The following ADAMTS9 variants were observed in gnomAD, a reference collection of about 807,000 sequenced individuals.
The protein encoded by ADAMTS9 is A disintegrin and metalloproteinase with thrombospondin motifs 9.
ADAMTS9 carries 107 observed loss-of-function variants against 257.1 expected under a neutral mutation model. The ratio of observed to expected loss-of-function variants is 0.42; its 90% CI spans 0.36 to 0.49. ADAMTS9 has a LOEUF of 0.49. Among genes scored for constraint, ADAMTS9 ranks in the 20% least tolerant of loss-of-function variants. The pLI, the probability that ADAMTS9 is intolerant of heterozygous loss-of-function variation, is 0.03. For synonymous variants in ADAMTS9, 982 were observed against 880.9 expected (o/e 1.11, Z -2.03); for missense variants, 2,353 against 2,469.1 (o/e 0.95, Z 1.00).
intron 38 of ADAMTS9, among the ~76,000 whole-genome samples, chr3:64,526,583 C>A (rs1156271990): frequency 6.6e-6 from 1 of 152,162 alleles, no homozygotes; most frequent in African/African-American, 2.4e-5. Context: ...AAGTATAGGG[C>A]CAGGGCCTTC....
intron 28 of ADAMTS9, chr3:64,590,191 A>G (rs965781670): frequency 2.0e-5 from 3 of 152,172 alleles, no homozygotes; most frequent in Admixed American, 6.5e-5. Flanking sequence ...TCTAAGCATC[A>G]TTTCCAACTC....
At chr3:64,674,087 C>T (rs1436976851) in intron 3 of ADAMTS9, among the ~76,000 whole-genome samples, 1 of 129,354 alleles carries the variant, frequency 7.7e-6, no homozygotes, top group Admixed American at 8.1e-5. Context: ...ACTATTAACA[C>T]TAAAGTTTTT....
At chr3:64,620,229 C>A (rs1443886719) in intron 19 of ADAMTS9, among the ~76,000 whole-genome samples, 2 of 152,120 alleles carry the variant, frequency 1.3e-5, no homozygotes, top group Admixed American at 1.3e-4. Flanking sequence ...AATCTCAGAA[C>A]TCCTCTATTT....
At position 64,681,330 on chromosome 3, in the gene ADAMTS9, A is replaced by T. The variant is rs1285164342; in HGVS notation, c.550T>A (p.Phe184Ile). The change falls in exon 3 of 40, where the codon TTT becomes ATT. Residue 184 changes from phenylalanine (F) to isoleucine (I), a missense_variant. Phe to Ile is a conservative substitution (Grantham distance 21, BLOSUM62 0). Coordinates refer to ENST00000498707, the MANE Select transcript of ADAMTS9 (RefSeq NM_182920.2). Reference protein sequence around the residue: ...GTFRSHDGDYFIEPLQSMDEQ... With the variant: ...GTFRSHDGDYIIEPLQSMDEQ... Reference sequence around the variant, plus strand: ...TCCATAGACTGTAGTGGTTCAATAAAATAATCCCCATCATGAGACCGGAAT... The same window carrying T: ...TCCATAGACTGTAGTGGTTCAATAATATAATCCCCATCATGAGACCGGAAT... 5 of 1,613,474 alleles carry T rather than the reference A, an allele frequency of 3.1e-6. No individual in the cohort carries two copies. In the South Asian group the frequency reaches 5.5e-5, roughly 18 times the overall value.
chr3:64,568,406 C>T lies in ADAMTS9; in HGVS notation c.4486G>A (p.Gly1496Arg). The change falls in exon 29 of 40, where the codon GGA (glycine) becomes AGA (arginine). Residue 1496 changes from glycine (G) to arginine (R), a missense_variant. Physicochemically the swap from Gly to Arg is moderately radical, Grantham distance 125. This residue lies in a region of ADAMTS9 where 1,402 missense variants were observed against 1,441.4 expected (regional missense o/e 0.97). Coordinates refer to ENST00000498707, the MANE Select transcript of ADAMTS9 (RefSeq NM_182920.2). ...CCAGCTTTCCATTTGGGGCATCTTC[C>T]TCCTCGGCACTTTCTGTGCCCATGT... The part of the protein sequence containing the change: ...KPHGHRKCRG[G>R]RCPKWKAGAW... 6.2e-7 allele frequency: 1 copy of T among 1,612,238 alleles called. No individual in the cohort carries two copies. Among genetic ancestry groups the T allele is most frequent in the Admixed American group, 1.7e-5 (1 of 59,348 alleles).
At chr3:64,585,505 C>T (rs1180996171) in intron 28 of ADAMTS9, among the ~76,000 whole-genome samples, 3 of 152,140 alleles carry the variant, frequency 2.0e-5, no homozygotes, top group South Asian at 2.1e-4. Context: ...GTTTGGAAGA[C>T]GTTCCAATGC....
intron 3 of ADAMTS9, among the ~76,000 whole-genome samples, chr3:64,669,490 T>G (rs1403463098): frequency 6.6e-6 from 1 of 152,210 alleles, no homozygotes; most frequent in African/African-American, 2.4e-5. Context: ...GTTCTGGGCC[T>G]TGATCCTCTT....
At chr3:64,667,969 A>G (rs553520465) in intron 3 of ADAMTS9, among the ~76,000 whole-genome samples, 3 of 152,316 alleles carry the variant, frequency 2.0e-5, no homozygotes, top group Admixed American at 6.5e-5. Context: ...TTTTACTAAG[A>G]GACTATTTAG....
chr3:64,633,924 G>A, intron 12 of ADAMTS9, 45 bp from the exon 13 acceptor site: 1 of 1,515,534 alleles, frequency 6.6e-7, no homozygotes, highest in Non-Finnish European at 9.0e-7. Context: ...GTATTATCAT[G>A]TATTCCTCTG....
chr3:64,599,407 C>G (rs1477971374), intron 26 of ADAMTS9, among the ~76,000 whole-genome samples: 10 of 152,170 alleles, frequency 6.6e-5, no homozygotes. Flanking sequence ...AATTTGTCAT[C>G]CACAATGGAC....
chr3:64,670,904 G>T (rs1701469954), intron 3 of ADAMTS9, among the ~76,000 whole-genome samples: 1 of 152,172 alleles, frequency 6.6e-6, no homozygotes, highest in South Asian at 2.1e-4. Flanking sequence ...TGCTGGAAAG[G>T]ATGCAGAGGA....
intron 28 of ADAMTS9, among the ~76,000 whole-genome samples, chr3:64,593,514 T>C (rs2084299645): frequency 1.3e-5 from 2 of 152,220 alleles, no homozygotes; most frequent in African/African-American, 4.8e-5. Context: ...TTGACACAGC[T>C]GATGCTTCTG....
chr3:64,610,943 G>A (rs2084654249), intron 22 of ADAMTS9, among the ~76,000 whole-genome samples: 1 of 151,740 alleles, frequency 6.6e-6, no homozygotes, highest in South Asian at 2.1e-4. Flanking sequence ...GGGCATGGTG[G>A]CACGCACCTG....
intron 37 of ADAMTS9, among the ~76,000 whole-genome samples, chr3:64,538,233 T>C (rs898775801): frequency 2.6e-5 from 4 of 152,174 alleles, no homozygotes; most frequent in Non-Finnish European, 5.9e-5. Context: ...AAGGGATGAA[T>C]GTTTGTGAGT....
intron 4 of ADAMTS9, 48 bp downstream of exon 4, chr3:64,658,454 T>G (rs775355620): frequency 3.8e-6 from 6 of 1,558,742 alleles, no homozygotes. Context: ...CATTCCCCAA[T>G]GGCACATTTA....
At chr3:64,583,325 GA>G (rs1181521120) in intron 28 of ADAMTS9, 13 of 152,132 alleles carry the variant, frequency 8.5e-5, no homozygotes, top group African/African-American at 3.1e-4. Context: ...GCTCATCCTT[GA>G]AAACCTTTCT....
chr3:64,632,435 C>G (rs1207314499), intron 14 of ADAMTS9, among the ~76,000 whole-genome samples: 1 of 152,154 alleles, frequency 6.6e-6, no homozygotes, highest in Non-Finnish European at 1.5e-5. Flanking sequence ...TCCAAAGAAG[C>G]TGGAAAAATT....
At chr3:64,674,835 A>G (rs1278275805) in intron 3 of ADAMTS9, among the ~76,000 whole-genome samples, 2 of 152,112 alleles carry the variant, frequency 1.3e-5, no homozygotes, top group Admixed American at 6.5e-5. Flanking sequence ...TTTGGGTACC[A>G]CTCGAAGGGC....
chr3:64,539,547 T>G (rs1428149193), intron 36 of ADAMTS9, among the ~76,000 whole-genome samples: 4 of 152,022 alleles, frequency 2.6e-5, no homozygotes, highest in African/African-American at 9.7e-5. Context: ...CCCCACAGTA[T>G]GGAAGCCAAA....
Sources: gnomAD v4.1 joint callset for allele counts (sites outside exome capture counted in the v4.1 genomes callset) on GRCh38, gnomAD v4.1.1 for gene constraint, gnomAD v4.1.1 regional missense constraint, MANE v1.5 for transcripts, NCBI Gene and HGNC (gene_info 2026-07-23, HGNC 2026-07-21) for gene names.